Variants in CPA6 observed in about 807,000 individuals in gnomAD.
CPA6 encodes carboxypeptidase A6, also known as carboxypeptidase B.
CPA6 carries 58 observed loss-of-function variants against 63.3 expected under a neutral mutation model. That is an observed-to-expected ratio of 0.92 (90% CI 0.74 to 1.14). The LOEUF (loss-of-function observed/expected upper bound fraction) is 1.14, where lower values mean the gene tolerates loss of function less well. Ranked by LOEUF, CPA6 falls within the 50% of genes most tolerant of loss-of-function variation. The pLI, the probability that CPA6 is intolerant of heterozygous loss-of-function variation, is 0.00. For synonymous variants in CPA6, 185 were observed against 179.0 expected, an observed-to-expected ratio of 1.03 and a Z score of -0.27; for missense variants, 565 against 526.6, an observed-to-expected ratio of 1.07 and a Z score of -0.71.
intron 2 of CPA6, among the ~76,000 whole-genome samples, chr8:67,580,791 C>T (rs141803986): frequency 2.0e-5 from 3 of 152,190 alleles, no homozygotes; most frequent in Non-Finnish European, 4.4e-5. Context: ...AGTCACAGCA[C>T]CCCCAAAGTT....
chr8:67,477,454 A>G (rs1215429603), intron 8 of CPA6, among the ~76,000 whole-genome samples: 2 of 152,174 alleles, frequency 1.3e-5, no homozygotes, highest in African/African-American at 4.8e-5. Flanking sequence ...ACTATAAGCC[A>G]ACAGATCTTT....
intron 1 of CPA6, among the ~76,000 whole-genome samples, chr8:67,740,913 G>A (rs1817900837): frequency 6.6e-6 from 1 of 152,138 alleles, no homozygotes; most frequent in East Asian, 1.9e-4. Flanking sequence ...GTCTACTTCT[G>A]TGAATAGTCA....
At chr8:67,625,692 ACTCT>A (rs1815179412) in intron 1 of CPA6, among the ~76,000 whole-genome samples, 1 of 152,182 alleles carries the variant, frequency 6.6e-6, no homozygotes, top group African/African-American at 2.4e-5. Context: ...ATTTTTCATA[ACTCT>A]CTATGGCATT....
At chr8:67,581,000 C>A (rs1813756662) in intron 2 of CPA6, among the ~76,000 whole-genome samples, 1 of 152,058 alleles carries the variant, frequency 6.6e-6, no homozygotes, top group Admixed American at 6.6e-5. Flanking sequence ...GAGTAGCACT[C>A]CCGAGTGGGA....
intron 8 of CPA6, among the ~76,000 whole-genome samples, chr8:67,459,001 A>T (rs1810739505): frequency 6.6e-6 from 1 of 152,234 alleles, no homozygotes; most frequent in Non-Finnish European, 1.5e-5. Flanking sequence ...TACAAAACTA[A>T]ATATACTCTT....
At chr8:67,425,205 T>A (rs1241601839) in intron 10 of CPA6, among the ~76,000 whole-genome samples, 1 of 152,190 alleles carries the variant, frequency 6.6e-6, no homozygotes, top group Admixed American at 6.5e-5. Flanking sequence ...AATGAATAAA[T>A]GTTTCATGGA....
chr8:67,545,150 A>C (rs1021746323), intron 2 of CPA6, among the ~76,000 whole-genome samples: 10 of 152,194 alleles, frequency 6.6e-5, no homozygotes, highest in Admixed American at 2.6e-4. Context: ...TTTTTCTTTC[A>C]AATGTGTAGC....
At chr8:67,553,364 T>C (rs754283077) in intron 2 of CPA6, among the ~76,000 whole-genome samples, 10 of 152,314 alleles carry the variant, frequency 6.6e-5, no homozygotes, top group African/African-American at 2.2e-4. Flanking sequence ...TTCAGCAAGC[T>C]TGTAGCCTAG....
chr8:67,608,406 G>A (rs905963265), intron 2 of CPA6, among the ~76,000 whole-genome samples: 1 of 152,168 alleles, frequency 6.6e-6, no homozygotes, highest in Non-Finnish European at 1.5e-5. Context: ...ACTGGGGAAT[G>A]GTCATAGAGG....
At chr8:67,522,781 G>A (rs1281328121) in intron 2 of CPA6, among the ~76,000 whole-genome samples, 1 of 152,236 alleles carries the variant, frequency 6.6e-6, no homozygotes, top group Non-Finnish European at 1.5e-5. Flanking sequence ...GAAGCCAGTT[G>A]CAGCATGCCT....
At chr8:67,562,320 T>A (rs1813232091) in intron 2 of CPA6, among the ~76,000 whole-genome samples, 1 of 152,224 alleles carries the variant, frequency 6.6e-6, no homozygotes. Context: ...CCCTTCACAG[T>A]GTACTTGGGC....
chr8:67,469,472 G>GGTGC (rs1238462136), intron 8 of CPA6, among the ~76,000 whole-genome samples: 2 of 152,090 alleles, frequency 1.3e-5, no homozygotes, highest in Non-Finnish European at 2.9e-5. Context: ...TGGACGTGGT[G>GGTGC]GTGCATGCCT....
intron 6 of CPA6, among the ~76,000 whole-genome samples, chr8:67,498,741 G>A (rs1811773535): frequency 6.6e-6 from 1 of 151,944 alleles, no homozygotes; most frequent in African/African-American, 2.4e-5. Context: ...TTGCTAACCT[G>A]GTATAAGCAA....
Position 67,583,207 on chromosome 8 carries a change from C to T in CPA6, c.192+40969G>A, listed in dbSNP as rs943728810. ...ATTCTGTGGGTGCAGCTGCCTTGTG[C>T]AACTATGGGTGTTGGTTAGTGGTAG... On this transcript the variant is annotated intron_variant, in intron 2 of 10. Transcript: ENST00000297770. 5.9e-5 allele frequency among the ~76,000 whole-genome samples: 9 copies of T among 151,904 alleles called. No homozygotes were observed. In the South Asian group the frequency reaches 1.9e-3, roughly 32 times the overall value.
intron 5 of CPA6, 89 bp from the exon 6 acceptor site, chr8:67,506,977 C>T (rs1010062945): frequency 2.5e-5 from 24 of 944,688 alleles, no homozygotes; most frequent in African/African-American, 6.5e-5. Context: ...TAATTCTTCA[C>T]TGTAGTGTGG....
At chr8:67,567,683 A>G (rs1390115193) in intron 2 of CPA6, among the ~76,000 whole-genome samples, 7 of 152,364 alleles carry the variant, frequency 4.6e-5, no homozygotes, top group African/African-American at 1.7e-4. Flanking sequence ...ATAAAAATCT[A>G]CATTGAAAGG....
intron 8 of CPA6, among the ~76,000 whole-genome samples, chr8:67,451,754 G>A (rs1810561955): frequency 6.6e-6 from 1 of 152,066 alleles, no homozygotes; most frequent in Non-Finnish European, 1.5e-5. Context: ...GACACACCAT[G>A]GATATCACCA....
intron 3 of CPA6, among the ~76,000 whole-genome samples, chr8:67,514,168 A>G (rs1316289595): frequency 1.3e-5 from 2 of 152,050 alleles, no homozygotes; most frequent in Non-Finnish European, 2.9e-5. Flanking sequence ...ATGTTGGCCA[A>G]GCTGATCTTA....
chr8:67,611,988 C>T (rs1814818570), intron 2 of CPA6, among the ~76,000 whole-genome samples: 1 of 152,158 alleles, frequency 6.6e-6, no homozygotes, highest in South Asian at 2.1e-4. Flanking sequence ...TATCTTATGT[C>T]TTTTAGTAAT....
Sources: gnomAD v4.1 joint callset for allele counts (sites outside exome capture counted in the v4.1 genomes callset) on GRCh38, gnomAD v4.1.1 for gene constraint, MANE v1.5 for transcripts, NCBI Gene and HGNC (gene_info 2026-07-23, HGNC 2026-07-21) for gene names.